ATP13A4: variants seen among roughly 807,000 people sequenced by gnomAD.
ATP13A4 encodes the protein probable cation-transporting ATPase 13A4.
ATP13A4 carries 114 observed loss-of-function variants against 142.5 expected under a neutral mutation model. The observed-to-expected ratio is 0.80, with a 90% confidence interval of 0.69 to 0.93. The LOEUF (loss-of-function observed/expected upper bound fraction) is 0.93, where lower values mean the gene tolerates loss of function less well. Ranked by LOEUF, ATP13A4 falls within the 40% of genes least tolerant of loss-of-function variation. The probability of loss-of-function intolerance (pLI) is 0.00; values close to 1 mark genes in which losing one functional copy is unlikely to be tolerated. For missense variants in ATP13A4, 1,392 were observed against 1,454.0 expected, an observed-to-expected ratio of 0.96 and a Z score of 0.69; for synonymous variants, 488 against 514.8, an observed-to-expected ratio of 0.95 and a Z score of 0.70.
At chr3:193,588,133 A>T (rs1724700953) in intron 1 of ATP13A4, among the ~76,000 whole-genome samples, 1 of 152,184 alleles carries the variant, frequency 6.6e-6, no homozygotes, top group African/African-American at 2.4e-5. Context: ...ACGCTGTCTC[A>T]AAATAAATAA....
At chr3:193,569,352 C>T (rs1724208625) in intron 2 of ATP13A4, among the ~76,000 whole-genome samples, 1 of 152,214 alleles carries the variant, frequency 6.6e-6, no homozygotes, top group South Asian at 2.1e-4. Flanking sequence ...GAAACTGTCA[C>T]AGCCAAGATG....
exon 2 of ATP13A4, chr3:193,581,729 T>G (rs1724550500): frequency 6.6e-6 from 1 of 152,106 alleles, no homozygotes; most frequent in Admixed American, 6.6e-5. Flanking sequence ...TCTGGGAATG[T>G]CTCTCCTCCC....
intron 18 of ATP13A4, among the ~76,000 whole-genome samples, chr3:193,445,963 G>T (rs1457560534): frequency 9.0e-5 from 1 of 11,072 alleles, no homozygotes; most frequent in Non-Finnish European, 1.7e-4. Context: ...TGAACAAACT[G>T]GGTGCAAAAA....
intron 1 of ATP13A4, among the ~76,000 whole-genome samples, chr3:193,550,711 C>T (rs1423494155): frequency 6.6e-6 from 1 of 152,096 alleles, no homozygotes; most frequent in East Asian, 1.9e-4. Context: ...ACATATGTTA[C>T]CTTTATAATC....
chr3:193,497,043 G>C (rs1384878502), intron 3 of ATP13A4, among the ~76,000 whole-genome samples: 3 of 152,046 alleles, frequency 2.0e-5, no homozygotes, highest in Non-Finnish European at 4.4e-5. Context: ...AAAAGTGCAA[G>C]CTACCCCAAA....
At chr3:193,407,055 T>A (rs1342210430) in intron 29 of ATP13A4, among the ~76,000 whole-genome samples, 2 of 152,116 alleles carry the variant, frequency 1.3e-5, no homozygotes, top group Non-Finnish European at 2.9e-5. Context: ...GGGTCTTTAT[T>A]TGGAAATTGT....
At chr3:193,543,857 T>A (rs951954874) in intron 1 of ATP13A4, among the ~76,000 whole-genome samples, 2 of 152,232 alleles carry the variant, frequency 1.3e-5, no homozygotes, top group Admixed American at 6.5e-5. Context: ...ATATGAGTGA[T>A]AAGAAGAAAT....
intron 2 of ATP13A4, among the ~76,000 whole-genome samples, chr3:193,511,108 G>A (rs1031769092): frequency 5.3e-5 from 8 of 152,196 alleles, no homozygotes; most frequent in African/African-American, 1.9e-4. Context: ...AGAGTCTCTG[G>A]CATAGCAGAT....
At chr3:193,517,855 T>C (rs1721511411) in intron 1 of ATP13A4, among the ~76,000 whole-genome samples, 1 of 152,200 alleles carries the variant, frequency 6.6e-6, no homozygotes, top group Admixed American at 6.5e-5. Context: ...AATCCTTGCC[T>C]CTGTACAGTT....
intron 1 of ATP13A4, among the ~76,000 whole-genome samples, chr3:193,548,035 A>G (rs146207708): frequency 1.7e-3 from 260 of 152,306 alleles, no homozygotes; most frequent in African/African-American, 5.9e-3. Flanking sequence ...GAATGGATGA[A>G]AAGATAAAGT....
At chr3:193,414,261 T>C (rs1485764538) in intron 26 of ATP13A4, among the ~76,000 whole-genome samples, 1 of 152,194 alleles carries the variant, frequency 6.6e-6, no homozygotes, top group Non-Finnish European at 1.5e-5. Flanking sequence ...CACTGGGACA[T>C]CACTTAATTT....
intron 8 of ATP13A4, among the ~76,000 whole-genome samples, chr3:193,474,673 GAAAGA>G (rs1422425571): frequency 6.4e-5 from 8 of 124,986 alleles, no homozygotes; most frequent in Admixed American, 1.6e-4. Flanking sequence ...GAAAGAAAAA[GAAAGA>G]AAAAAGAAAG....
intron 1 of ATP13A4, among the ~76,000 whole-genome samples, chr3:193,545,525 G>T (rs1239173604): frequency 6.6e-6 from 1 of 152,186 alleles, no homozygotes; most frequent in Non-Finnish European, 1.5e-5. Flanking sequence ...CCAGCCTGTG[G>T]TTTCAGGCAG....
intron 1 of ATP13A4, among the ~76,000 whole-genome samples, chr3:193,522,215 G>C (rs1721759809): frequency 6.6e-6 from 1 of 152,130 alleles, no homozygotes; most frequent in Admixed American, 6.5e-5. Context: ...ACTCCTCCTT[G>C]TCACACAGAT....
At position 193,435,710 on chromosome 3, in the gene ATP13A4, T is replaced by C; in HGVS notation, c.2707A>G (p.Met903Val). ...GRAALVTSFC[M>V]FKYMALYSMI... ...CTGTACAGAGCCATGTACTTAAACA[T>C]GCAAAAGGAGGTAACGAGAGCTGCA... The change falls in exon 24 of 30, where the codon ATG becomes GTG. Residue 903 changes from methionine (M) to valine (V), a missense_variant. Transcript: ENST00000342695. 1.9e-6 allele frequency: 3 copies of C among 1,613,970 alleles called. No individual in the cohort carries two copies. The highest frequency in any genetic ancestry group is 2.5e-6 in the Non-Finnish European group (3 of 1,179,972).
intron 1 of ATP13A4, among the ~76,000 whole-genome samples, chr3:193,531,035 T>C (rs549062390): frequency 1.3e-5 from 2 of 152,242 alleles, no homozygotes; most frequent in Non-Finnish European, 2.9e-5. Context: ...TTGCCTTATC[T>C]GGACTTGCTG....
chr3:193,581,458 G>A (rs923937799), intron 2 of ATP13A4, among the ~76,000 whole-genome samples: 6 of 152,120 alleles, frequency 3.9e-5, no homozygotes, highest in African/African-American at 9.7e-5. Flanking sequence ...AAAGAGAGGC[G>A]CAATAGCACC....
chr3:193,566,121 T>C (rs1724126032), intron 2 of ATP13A4, among the ~76,000 whole-genome samples: 1 of 152,180 alleles, frequency 6.6e-6, no homozygotes, highest in Non-Finnish European at 1.5e-5. Flanking sequence ...GCCAAAGGGC[T>C]TTCTTTCTCC....
At chr3:193,485,286 G>A (rs1435233871) in intron 7 of ATP13A4, among the ~76,000 whole-genome samples, 1 of 150,516 alleles carries the variant, frequency 6.6e-6, no homozygotes, top group African/African-American at 2.5e-5. Context: ...GCAGTTACAC[G>A]TACAGGTAGA....
Sources: allele counts gnomAD v4.1 joint callset (sites outside exome capture counted in the v4.1 genomes callset), GRCh38; gene constraint gnomAD v4.1.1; transcripts MANE v1.5; gene names NCBI Gene and HGNC (gene_info 2026-07-23, HGNC 2026-07-21).